The following WBP1L variants were observed in gnomAD, a reference collection of about 807,000 sequenced individuals.
WBP1L encodes the protein WW domain binding protein 1-like.
A neutral mutation model predicts 33.7 loss-of-function variants in WBP1L; 17 were observed. The ratio of observed to expected loss-of-function variants is 0.50; its 90% CI spans 0.34 to 0.76. The LOEUF (loss-of-function observed/expected upper bound fraction) is 0.76. Ranked by LOEUF, WBP1L falls within the 30% of genes least tolerant of loss-of-function variation. The probability of loss-of-function intolerance (pLI) is 0.01; values close to 1 mark genes in which losing one functional copy is unlikely to be tolerated. For missense variants in WBP1L, 389 were observed against 469.4 expected, an observed-to-expected ratio of 0.83 and a Z score of 1.58; for synonymous variants, 173 against 190.8, an observed-to-expected ratio of 0.91 and a Z score of 0.77.
chr10:102,750,873 C>G (rs1842918238), intron 1 of WBP1L, among the ~76,000 whole-genome samples: 1 of 152,166 alleles, frequency 6.6e-6, no homozygotes, highest in Non-Finnish European at 1.5e-5. Flanking sequence ...TTTCTAGCCC[C>G]TTTTCTTCCA....
intron 1 of WBP1L, among the ~76,000 whole-genome samples, chr10:102,783,770 G>T (rs763122833): frequency 6.6e-6 from 1 of 152,156 alleles, no homozygotes; most frequent in Non-Finnish European, 1.5e-5. Flanking sequence ...GTTCAGTCCC[G>T]TATGACAAAT....
intron 1 of WBP1L, among the ~76,000 whole-genome samples, chr10:102,772,754 G>C (rs1590175319): frequency 6.6e-6 from 1 of 150,398 alleles, no homozygotes; most frequent in East Asian, 1.9e-4. Flanking sequence ...ATTTTCTGTA[G>C]AGATGGGGTT....
chr10:102,745,095 C>T (rs769881350), intron 1 of WBP1L, among the ~76,000 whole-genome samples: 2 of 152,134 alleles, frequency 1.3e-5, no homozygotes, highest in Non-Finnish European at 2.9e-5. Context: ...TTCTTTTCCC[C>T]GTTTTTTCAG....
intron 1 of WBP1L, among the ~76,000 whole-genome samples, chr10:102,757,952 C>G (rs1290568326): frequency 1.5e-5 from 2 of 136,608 alleles, no homozygotes; most frequent in South Asian, 4.8e-4. Flanking sequence ...ATGGCACGAT[C>G]TCGGCTCACT....
chr10:102,781,021 C>T (rs577124247), intron 1 of WBP1L, among the ~76,000 whole-genome samples: 9 of 152,322 alleles, frequency 5.9e-5, no homozygotes, highest in Middle Eastern at 6.8e-3. Flanking sequence ...CTCTTAGGGT[C>T]CCTTTTCCAG....
Position 102,798,798 on chromosome 10 carries a change from C to G in WBP1L, c.193+703C>G, listed in dbSNP as rs2134059282. ...CAGGCCACTCTAGATGGTCACTATG[C>G]CATTTTCTTGTAAGGACCACAGGGG... On this transcript the variant is annotated intron_variant, in intron 2 of 3. Transcript: ENST00000448841. 2.0e-5 allele frequency among the ~76,000 whole-genome samples: 3 copies of G among 152,304 alleles called. No homozygotes were observed. The Middle Eastern group carries it at 0.01, about 518-fold the overall frequency.
intron 1 of WBP1L, among the ~76,000 whole-genome samples, chr10:102,753,805 C>T (rs1227959323): frequency 1.3e-5 from 2 of 152,134 alleles, no homozygotes; most frequent in African/African-American, 4.8e-5. Context: ...ACAAGAATAT[C>T]TGTGGCTTGG....
intron 3 of WBP1L, 90 bp downstream of exon 3, chr10:102,810,144 T>C: frequency 6.6e-7 from 1 of 1,504,078 alleles, no homozygotes; most frequent in East Asian, 2.3e-5. Flanking sequence ...CAGGCTCCTG[T>C]AGGCATAGGG....
At chr10:102,785,325 C>T (rs1427139993) in intron 1 of WBP1L, among the ~76,000 whole-genome samples, 2 of 151,830 alleles carry the variant, frequency 1.3e-5, no homozygotes, top group Admixed American at 6.6e-5. Flanking sequence ...GATGTTGGGA[C>T]TACAGGCGCC....
intron 1 of WBP1L, among the ~76,000 whole-genome samples, chr10:102,779,208 A>G (rs957463795): frequency 2.0e-5 from 3 of 151,652 alleles, no homozygotes; most frequent in Non-Finnish European, 4.4e-5. Context: ...AGGCAGGAGA[A>G]TCGCTTAAAC....
intron 1 of WBP1L, chr10:102,776,198 G>C: frequency 6.8e-7 from 1 of 1,471,488 alleles, no homozygotes; most frequent in Non-Finnish European, 9.0e-7. Context: ...CAGGCAGGGG[G>C]AGTAGCGAGG....
At chr10:102,774,585 A>G (rs747180924) in intron 1 of WBP1L, among the ~76,000 whole-genome samples, 6 of 152,148 alleles carry the variant, frequency 3.9e-5, no homozygotes, top group Non-Finnish European at 7.3e-5. Flanking sequence ...CTAATGATCA[A>G]ACAGTGCTTT....
intron 1 of WBP1L, among the ~76,000 whole-genome samples, chr10:102,750,930 GTTCTAGACATTTCATA>G (rs1416920116): frequency 6.6e-6 from 1 of 152,082 alleles, no homozygotes; most frequent in Non-Finnish European, 1.5e-5. Context: ...GGATTTGCCT[GTTCTAGACATTTCATA>G]TAAAGTGAAT....
intron 2 of WBP1L, among the ~76,000 whole-genome samples, chr10:102,799,676 C>T (rs1843624702): frequency 6.6e-6 from 1 of 152,196 alleles, no homozygotes; most frequent in African/African-American, 2.4e-5. Context: ...TCACTGCCTC[C>T]ATTTGGAAAC....
intron 2 of WBP1L, 101 bp downstream of exon 2, chr10:102,798,196 G>A: frequency 1.0e-6 from 1 of 976,282 alleles, no homozygotes; most frequent in Non-Finnish European, 1.6e-6. Flanking sequence ...ATTCTCTTGG[G>A]GACAGTGTTG....
At chr10:102,751,344 A>C in intron 1 of WBP1L, among the ~76,000 whole-genome samples, 4 of 131,382 alleles carry the variant, frequency 3.0e-5, no homozygotes, top group Admixed American at 8.0e-5. Flanking sequence ...TTGAGACACG[A>C]TCTCCCTCTG....
chr10:102,808,710 C>G (rs1189376681), intron 2 of WBP1L, among the ~76,000 whole-genome samples: 1 of 152,186 alleles, frequency 6.6e-6, no homozygotes, highest in Non-Finnish European at 1.5e-5. Context: ...ATTTTTCCAC[C>G]TCTAACTTTA....
At chr10:102,793,069 A>G (rs1843525906) in intron 1 of WBP1L, among the ~76,000 whole-genome samples, 1 of 152,150 alleles carries the variant, frequency 6.6e-6, no homozygotes, top group Non-Finnish European at 1.5e-5. Flanking sequence ...GTATTTTACC[A>G]TCTTTCATTA....
intron 1 of WBP1L, among the ~76,000 whole-genome samples, chr10:102,747,003 A>G (rs1842871193): frequency 6.6e-6 from 1 of 152,154 alleles, no homozygotes; most frequent in East Asian, 1.9e-4. Context: ...TGTGGTTAGG[A>G]ACTTAGACTT....
Sources: gnomAD v4.1 joint callset for allele counts (sites outside exome capture counted in the v4.1 genomes callset) on GRCh38, gnomAD v4.1.1 for gene constraint, MANE v1.5 for transcripts, NCBI Gene and HGNC (gene_info 2026-07-23, HGNC 2026-07-21) for gene names.